Variants in DISC1 observed in about 807,000 individuals in gnomAD.
The protein encoded by DISC1 is disrupted in schizophrenia 1 protein.
In DISC1, 57 loss-of-function variants were observed where a neutral mutation model predicts 84.5. The observed-to-expected ratio is 0.67, with a 90% CI of 0.55 to 0.84. DISC1 has a LOEUF of 0.84. Among genes scored for constraint, DISC1 ranks in the 40% least tolerant of loss-of-function variants. The pLI is 0.00. For missense variants in DISC1, 1,000 were observed against 1,057.8 expected (o/e 0.95, Z 0.76); for synonymous variants, 411 against 415.2 (o/e 0.99, Z 0.12).
chr1:231,816,323 A>G (rs2080973621), intron 8 of DISC1, among the ~76,000 whole-genome samples: 1 of 152,176 alleles, frequency 6.6e-6, no homozygotes, highest in South Asian at 2.1e-4. Flanking sequence ...AAGTTGTAGT[A>G]TTCAATTCCT....
chr1:231,831,860 G>GCA (rs1376136837), intron 9 of DISC1, among the ~76,000 whole-genome samples: 2 of 145,764 alleles, frequency 1.4e-5, no homozygotes, highest in Non-Finnish European at 3.0e-5. Context: ...GGGGGGGGGT[G>GCA]GGCAGAGTGG....
chr1:231,833,435 C>T (rs4658951), intron 9 of DISC1, among the ~76,000 whole-genome samples: 42,817 of 151,478 alleles, frequency 0.28, 6,743 homozygotes, highest in Admixed American at 0.35. Context: ...CCATGATGGT[C>T]TAGGGGGCTT....
Position 231,826,451 on chromosome 1 carries a change from T to A in DISC1, c.1981+7934T>A, listed in dbSNP as rs980629199. ...AAGACGGGTATTTTTTTTTCATTTTTGAAGTTTTCAAGCACCCTCCCTATA... is the reference window on the plus strand; with the variant it reads ...AAGACGGGTATTTTTTTTTCATTTTAGAAGTTTTCAAGCACCCTCCCTATA... On this transcript the variant is annotated intron_variant, in intron 9 of 12. Coordinates refer to ENST00000439617, the MANE Select transcript of DISC1 (RefSeq NM_018662.3). The surrounding 1 kb of genome is among the most constrained non-coding windows in gnomAD (Gnocchi z 4.2). Among the ~76,000 whole-genome samples, 23 of 152,282 alleles carry A rather than the reference T, an allele frequency of 1.5e-4. No individual in the cohort carries two copies. The highest frequency in any genetic ancestry group is 5.1e-4 in the African/African-American group (21 of 41,552).
chr1:231,817,013 G>A (rs1157173313), intron 8 of DISC1, among the ~76,000 whole-genome samples: 1 of 151,564 alleles, frequency 6.6e-6, no homozygotes, highest in African/African-American at 2.4e-5. Flanking sequence ...ATGTTGCCCA[G>A]ACAAGAGTGT....
At chr1:231,773,518 G>A (rs574449390) in intron 6 of DISC1, among the ~76,000 whole-genome samples, 481 of 152,240 alleles carry the variant, frequency 3.2e-3, no homozygotes, top group Non-Finnish European at 5.2e-3. Flanking sequence ...CTGAGTAGCT[G>A]GGACTACAGG....
chr1:231,945,398 T>G (rs534506995), intron 9 of DISC1, among the ~76,000 whole-genome samples: 1 of 152,290 alleles, frequency 6.6e-6, no homozygotes, highest in African/African-American at 2.4e-5. Context: ...GAAATAAAGA[T>G]GTTCTTTGAA....
intron 1 of DISC1, among the ~76,000 whole-genome samples, chr1:231,653,638 C>T (rs1037663711): frequency 6.6e-6 from 1 of 152,088 alleles, no homozygotes; most frequent in African/African-American, 2.4e-5. Flanking sequence ...AGAGCTTCCC[C>T]TACTGTTTAC....
At chr1:231,853,787 G>A (rs2084067614) in intron 9 of DISC1, among the ~76,000 whole-genome samples, 1 of 152,152 alleles carries the variant, frequency 6.6e-6, no homozygotes, top group Admixed American at 6.5e-5. Flanking sequence ...GTTGACCCAG[G>A]GCCAAGATAC....
intron 9 of DISC1, among the ~76,000 whole-genome samples, chr1:231,895,664 T>C (rs1214546887): frequency 2.0e-5 from 3 of 152,076 alleles, no homozygotes; most frequent in African/African-American, 7.2e-5. Context: ...TTTGCATCCA[T>C]ATTAATAAAT....
chr1:231,952,678 CATATATATATGTTTATATATATATAT>C (rs1181128882), intron 9 of DISC1, among the ~76,000 whole-genome samples: 3 of 139,916 alleles, frequency 2.1e-5, no homozygotes, highest in Admixed American at 1.5e-4. Flanking sequence ...TATTGTCTCT[CATATATATATGTTTATATATATATAT>C]ATATATATAT....
intron 9 of DISC1, among the ~76,000 whole-genome samples, chr1:231,914,705 T>G (rs1259811441): frequency 6.6e-6 from 1 of 152,296 alleles, no homozygotes; most frequent in African/African-American, 2.4e-5. Context: ...CTCCAACTTA[T>G]CATGTGGAGG....
chr1:231,627,917 T>C (rs746031121), intron 1 of DISC1, among the ~76,000 whole-genome samples: 12 of 152,192 alleles, frequency 7.9e-5, no homozygotes, highest in Non-Finnish European at 1.5e-4. Context: ...TTGGAGACAG[T>C]CTGCCTGCAT....
At chr1:231,855,134 G>T in intron 9 of DISC1, 1 of 1,006,938 alleles carries the variant, frequency 9.9e-7, no homozygotes. Flanking sequence ...GAAAATTTTG[G>T]TTTTCAATGT....
chr1:231,736,405 T>C, intron 3 of DISC1, among the ~76,000 whole-genome samples: 1 of 152,226 alleles, frequency 6.6e-6, no homozygotes, highest in South Asian at 2.1e-4. Flanking sequence ...TGTGAGGCCT[T>C]GGGTAAATTA....
intron 9 of DISC1, among the ~76,000 whole-genome samples, chr1:231,891,991 T>C (rs2087266230): frequency 6.6e-6 from 1 of 152,094 alleles, no homozygotes; most frequent in South Asian, 2.1e-4. Flanking sequence ...TTGACCCCAT[T>C]GCCAAGAATA....
chr1:231,665,429 T>A (rs191449523), intron 1 of DISC1, among the ~76,000 whole-genome samples: 261 of 152,344 alleles, frequency 1.7e-3, no homozygotes, highest in Middle Eastern at 3.4e-3. Flanking sequence ...ACATTACAAG[T>A]AAAAGCTGAA....
At chr1:231,782,767 G>A (rs1454089335) in intron 6 of DISC1, among the ~76,000 whole-genome samples, 3 of 151,498 alleles carry the variant, frequency 2.0e-5, no homozygotes, top group Non-Finnish European at 4.4e-5. Context: ...GCAAAACCCC[G>A]TCTCTACCAA....
chr1:231,799,398 G>A (rs997054496), intron 7 of DISC1, among the ~76,000 whole-genome samples: 1 of 152,082 alleles, frequency 6.6e-6, no homozygotes, highest in South Asian at 2.1e-4. Context: ...TATGTGCCAG[G>A]CACAGAGCAA....
At chr1:231,739,477 G>A (rs553328069) in intron 3 of DISC1, among the ~76,000 whole-genome samples, 2 of 152,330 alleles carry the variant, frequency 1.3e-5, no homozygotes, top group South Asian at 4.1e-4. Context: ...ATGCCTCTGT[G>A]TGGCAGCCCC....
Sources: gnomAD v4.1 joint callset for allele counts (sites outside exome capture counted in the v4.1 genomes callset) on GRCh38, gnomAD v4.1.1 for gene constraint, Gnocchi (gnomAD v3.1) non-coding constraint, MANE v1.5 for transcripts, NCBI Gene and HGNC (gene_info 2026-07-23, HGNC 2026-07-21) for gene names.